Variants in PCDHGB1 observed in about 807,000 individuals in gnomAD.
PCDHGB1 encodes the protein protocadherin gamma subfamily B, 1, also known as protocadherin gamma-B1.
PCDHGB1 carries 34 observed loss-of-function variants against 56.6 expected under a neutral mutation model. That is an observed-to-expected ratio of 0.60 (90% CI 0.46 to 0.80). PCDHGB1 has a LOEUF of 0.80. Among genes scored for constraint, PCDHGB1 ranks in the 30% least tolerant of loss-of-function variants. The pLI is 0.00. For missense variants in PCDHGB1, 1,278 were observed against 1,204.6 expected, an observed-to-expected ratio of 1.06 and a Z score of -0.90; for synonymous variants, 561 against 505.9, an observed-to-expected ratio of 1.11 and a Z score of -1.46.
chr5:141,372,494 A>C, intron 1 of PCDHGB1: 2 of 1,613,974 alleles, frequency 1.2e-6, no homozygotes, highest in Middle Eastern at 1.6e-4. Context: ...CCTTGATCTC[A>C]GTGCTCTTCC....
chr5:141,362,274 GC>G, intron 1 of PCDHGB1: 1 of 1,614,018 alleles, frequency 6.2e-7, no homozygotes. Context: ...CAATCTCCCT[GC>G]GCCTGCGACT....
intron 1 of PCDHGB1, chr5:141,356,782 C>A (rs745488065): frequency 6.7e-5 from 108 of 1,613,860 alleles, no homozygotes; most frequent in Non-Finnish European, 1.7e-5. Context: ...GTTTAGAGAC[C>A]TGCAGCTGCT....
intron 1 of PCDHGB1, chr5:141,391,083 G>C (rs974357992): frequency 1.3e-5 from 2 of 152,152 alleles, no homozygotes; most frequent in Non-Finnish European, 2.9e-5. Flanking sequence ...ATGTGTAACT[G>C]CCTTATCTGC....
rs768985461 is a variant in PCDHGB1, at chr5:141,403,714, C to T, written c.2409+51045C>T. ...TTTACCGAGTTAAAGTCCTTGAGAA[C>T]GTGCCCCCAGGCACCTGGCTGCTTA... On this transcript the variant is annotated intron_variant, in intron 1 of 3. Transcript: ENST00000523390. 10 of 1,613,792 alleles carry T rather than the reference C, an allele frequency of 6.2e-6. No homozygotes were observed. In the South Asian group the frequency reaches 6.6e-5, roughly 11 times the overall value.
Position 141,352,256 on chromosome 5 carries a change from G to C in PCDHGB1, c.1996G>C (p.Glu666Gln), listed in dbSNP as rs1367377007. Reference sequence around the variant, plus strand: ...CCTAATCTTCGCGGATAGCCTGCAAGAGGTATTGCCAGACCTCAGCGACCG... The same window carrying C: ...CCTAATCTTCGCGGATAGCCTGCAACAGGTATTGCCAGACCTCAGCGACCG... The part of the protein sequence containing the change: ...LHLIFADSLQ[E>Q]VLPDLSDRPE... The change falls in exon 1 of 4, where the codon GAG becomes CAG. Residue 666 changes from glutamate (E) to glutamine (Q), a missense_variant. Coordinates refer to ENST00000523390, the MANE Select transcript of PCDHGB1 (RefSeq NM_018922.3). 10 of 1,614,092 alleles carry C rather than the reference G, an allele frequency of 6.2e-6. No homozygotes were observed. The highest frequency in any genetic ancestry group is 8.5e-6 in the Non-Finnish European group (10 of 1,179,910).
At chr5:141,385,066 C>A (rs1780827434) in intron 1 of PCDHGB1, 1 of 1,614,194 alleles carries the variant, frequency 6.2e-7, no homozygotes, top group Non-Finnish European at 8.5e-7. Flanking sequence ...GCACAAGTCA[C>A]GCCTGCTGCA....
chr5:141,371,587 C>T, intron 1 of PCDHGB1: 2 of 1,613,898 alleles, frequency 1.2e-6, no homozygotes, highest in Non-Finnish European at 1.7e-6. Flanking sequence ...GTTCAAGATA[C>T]CAAAAACACA....
chr5:141,450,210 G>T (rs2098673599), intron 1 of PCDHGB1, among the ~76,000 whole-genome samples: 1 of 151,786 alleles, frequency 6.6e-6, no homozygotes. Flanking sequence ...TAGAGACAAG[G>T]TTTCACTATG....
chr5:141,487,656 C>G lies in PCDHGB1; in HGVS notation c.2410-7151C>G. ...GCTCAACAAATGCTTGAGGGTTATT[C>G]TGATCCAGGCATATGGCTAGGCCAT... On this transcript the variant is annotated intron_variant, in intron 1 of 3. Coordinates refer to ENST00000523390, the MANE Select transcript of PCDHGB1 (RefSeq NM_018922.3). The surrounding 1 kb of genome is among the most constrained non-coding windows in gnomAD (Gnocchi z 5.0). 6.2e-7 allele frequency: 1 copy of G among 1,613,658 alleles called. No individual in the cohort carries two copies. Among genetic ancestry groups the G allele is most frequent in the Non-Finnish European group, 8.5e-7 (1 of 1,179,794 alleles).
chr5:141,402,854 C>A, intron 1 of PCDHGB1: 2 of 1,423,530 alleles, frequency 1.4e-6, no homozygotes, highest in Non-Finnish European at 1.8e-6. Flanking sequence ...CCTCTTTCTT[C>A]TAAGGAAAAG....
At chr5:141,410,487 A>G in intron 1 of PCDHGB1, 1 of 1,613,970 alleles carries the variant, frequency 6.2e-7, no homozygotes, top group Non-Finnish European at 8.5e-7. Context: ...ACGGGTACAA[A>G]AGAGTTTAAT....
chr5:141,383,807 C>T, intron 1 of PCDHGB1: 7 of 1,613,926 alleles, frequency 4.3e-6, no homozygotes, highest in Non-Finnish European at 5.9e-6. Flanking sequence ...GAAATATCAA[C>T]TTTAGAAGGA....
chr5:141,428,131 G>T, intron 1 of PCDHGB1: 1 of 1,602,720 alleles, frequency 6.2e-7, no homozygotes, highest in Non-Finnish European at 8.5e-7. Flanking sequence ...GGGCTTTTCA[G>T]CCTGGGGCTG....
At chr5:141,401,532 A>G (rs1461153273) in intron 1 of PCDHGB1, among the ~76,000 whole-genome samples, 2 of 152,260 alleles carry the variant, frequency 1.3e-5, no homozygotes, top group Non-Finnish European at 2.9e-5. Context: ...GAAGAAACTT[A>G]CAAAAAAAAG....
At position 141,486,059 on chromosome 5, in the gene PCDHGB1, C is replaced by T. The variant is rs141349392; in HGVS notation, c.2410-8748C>T. ...TCGTGTAAGAAACCTCTTTAGCCTG[C>T]ACCCCACTACTGGAAAGCTTACTCT... On this transcript the variant is annotated intron_variant, in intron 1 of 3. Transcript: ENST00000523390. The surrounding 1 kb of genome is among the most constrained non-coding windows in gnomAD (Gnocchi z 5.0). The T allele has an allele frequency of 9.0e-5, 146 of 1,614,034 alleles. No individual in the cohort carries two copies. The highest frequency in any genetic ancestry group is 1.2e-4 in the Non-Finnish European group (138 of 1,180,018).
At chr5:141,412,729 T>C (rs1411212101) in intron 1 of PCDHGB1, 1 of 153,332 alleles carries the variant, frequency 6.5e-6, no homozygotes, top group Non-Finnish European at 1.5e-5. Flanking sequence ...GAAAACGTGT[T>C]GCAAATATAT....
At chr5:141,357,048 A>G (rs754579406) in intron 1 of PCDHGB1, 6 of 1,613,890 alleles carry the variant, frequency 3.7e-6, no homozygotes, top group East Asian at 2.2e-5. Flanking sequence ...AGCCGGGACT[A>G]TTTGCAGTGG....
At chr5:141,371,809 C>A (rs1768063576) in intron 1 of PCDHGB1, 2 of 1,613,792 alleles carry the variant, frequency 1.2e-6, no homozygotes. Flanking sequence ...GCCTCCATTG[C>A]GCATGTCAGA....
intron 1 of PCDHGB1, among the ~76,000 whole-genome samples, chr5:141,381,671 T>TGCTGCAGCCAAGACAA (rs1777346396): frequency 6.6e-6 from 1 of 152,206 alleles, no homozygotes; most frequent in Non-Finnish European, 1.5e-5. Flanking sequence ...TATAGCTGAT[T>TGCTGCAGCCAAGACAA]GCTGCAGCCA....
Sources: allele counts gnomAD v4.1 joint callset (sites outside exome capture counted in the v4.1 genomes callset), GRCh38; gene constraint gnomAD v4.1.1; non-coding constraint Gnocchi (gnomAD v3.1); transcripts MANE v1.5; gene names NCBI Gene and HGNC (gene_info 2026-07-23, HGNC 2026-07-21).